The following ARHGAP26 variants were observed in gnomAD, a reference collection of about 807,000 sequenced individuals.
ARHGAP26 encodes rho GTPase-activating protein 26.
Under a neutral mutation model 104.8 loss-of-function variants are expected in ARHGAP26, and 38 were observed. That is an observed-to-expected ratio of 0.36 (90% CI 0.28 to 0.48). The LOEUF is 0.48. Among genes scored for constraint, ARHGAP26 ranks in the 20% least tolerant of loss-of-function variants. The probability of loss-of-function intolerance (pLI) is 0.99; values close to 1 mark genes in which losing one functional copy is unlikely to be tolerated. For synonymous variants in ARHGAP26, 341 were observed against 340.0 expected, an observed-to-expected ratio of 1.00 and a Z score of -0.03; for missense variants, 704 against 947.9, an observed-to-expected ratio of 0.74 and a Z score of 3.38.
At chr5:142,933,201 A>G (rs1299497173) in intron 11 of ARHGAP26, among the ~76,000 whole-genome samples, 2 of 152,218 alleles carry the variant, frequency 1.3e-5, no homozygotes, top group African/African-American at 2.4e-5. Flanking sequence ...TTTGATGTCA[A>G]AGGCCTTTGA....
chr5:143,012,548 C>CGTATATATATATATATATATATAT, intron 11 of ARHGAP26, among the ~76,000 whole-genome samples: 1 of 23,348 alleles, frequency 4.3e-5, no homozygotes, highest in Non-Finnish European at 1.1e-4. Flanking sequence ...TATATACATA[C>CGTATATATATATATATATATATAT]ATACATATAT....
chr5:143,040,553 G>T (rs1024069504), intron 13 of ARHGAP26, among the ~76,000 whole-genome samples: 1 of 151,934 alleles, frequency 6.6e-6, no homozygotes, highest in Non-Finnish European at 1.5e-5. Context: ...TATTGAGAAT[G>T]TAACAGAAAA....
chr5:143,112,352 T>G (rs1794881627), intron 17 of ARHGAP26, among the ~76,000 whole-genome samples: 1 of 152,160 alleles, frequency 6.6e-6, no homozygotes. Flanking sequence ...AAGAAAATTT[T>G]AGCTCAGAGG....
chr5:143,069,857 G>A (rs1788003997), intron 17 of ARHGAP26, among the ~76,000 whole-genome samples: 1 of 152,164 alleles, frequency 6.6e-6, no homozygotes. Context: ...ATACAAAACA[G>A]CAAACAGCAT....
intron 10 of ARHGAP26, among the ~76,000 whole-genome samples, chr5:142,931,315 G>C (rs149957787): frequency 4.2e-4 from 64 of 152,254 alleles, no homozygotes; most frequent in African/African-American, 1.5e-3. Flanking sequence ...CGTTTTTATG[G>C]CGCAGTCTCT....
At chr5:142,872,481 A>G (rs987285495) in intron 1 of ARHGAP26, among the ~76,000 whole-genome samples, 8 of 152,210 alleles carry the variant, frequency 5.3e-5, no homozygotes, top group African/African-American at 1.9e-4. Flanking sequence ...CCTAATCTGC[A>G]GGAAGACTGC....
At position 143,159,269 on chromosome 5, in the gene ARHGAP26, G is replaced by A. The variant is rs189384530; in HGVS notation, c.1988+11888G>A. Among the ~76,000 whole-genome samples the A allele has an allele frequency of 2.6e-5, 4 of 152,328 alleles. No homozygotes were observed. The East Asian group carries it at 7.7e-4, about 29-fold the overall frequency. On this transcript the variant is annotated intron_variant, in intron 20 of 22. Coordinates refer to ENST00000645722, the MANE Select transcript of ARHGAP26 (RefSeq NM_001135608.3). Reference sequence around the variant, plus strand: ...CAACAGGAAGCCCGAGGTTGCAAAAGCCCTGTTGAAGAAATCCATGCTGGT... The same window carrying A: ...CAACAGGAAGCCCGAGGTTGCAAAAACCCTGTTGAAGAAATCCATGCTGGT...
At chr5:143,213,423 C>CT (rs776073778) in intron 21 of ARHGAP26, among the ~76,000 whole-genome samples, 1 of 152,046 alleles carries the variant, frequency 6.6e-6, no homozygotes, top group East Asian at 1.9e-4. Flanking sequence ...ATTCCCTCCC[C>CT]TGGGGGTTGG....
Position 142,933,395 on chromosome 5 carries a change from G to A in ARHGAP26, c.1107+1270G>A, listed in dbSNP as rs564036460. ...GATAAGTAAACTGAAGCTTAGGGAG[G>A]TTAAGTAACTTGCCCCAAGTAGCAC... On this transcript the variant is annotated intron_variant, in intron 11 of 22. Transcript: ENST00000645722. Among the ~76,000 whole-genome samples, 4 of 152,288 alleles carry A rather than the reference G, an allele frequency of 2.6e-5. No individual in the cohort carries two copies. The South Asian group carries it at 8.3e-4, about 32-fold the overall frequency.
At chr5:143,167,339 G>A (rs1173818971) in intron 20 of ARHGAP26, among the ~76,000 whole-genome samples, 1 of 148,706 alleles carries the variant, frequency 6.7e-6, no homozygotes, top group East Asian at 1.9e-4. Flanking sequence ...AAAATTAGCT[G>A]GGCCTGATGG....
At chr5:142,859,754 G>A (rs934200737) in intron 1 of ARHGAP26, 2 of 152,312 alleles carry the variant, frequency 1.3e-5, no homozygotes, top group Non-Finnish European at 2.9e-5. Context: ...TGAAAGGAAA[G>A]GAACTATGGG....
At chr5:142,994,514 T>A (rs2152765113) in intron 11 of ARHGAP26, among the ~76,000 whole-genome samples, 1 of 152,122 alleles carries the variant, frequency 6.6e-6, no homozygotes, top group South Asian at 2.1e-4. Context: ...GGGTATGCAG[T>A]TTTTGGGAAG....
intron 20 of ARHGAP26, among the ~76,000 whole-genome samples, chr5:143,191,882 G>A (rs1805971478): frequency 6.6e-6 from 1 of 152,194 alleles, no homozygotes; most frequent in Admixed American, 6.5e-5. Flanking sequence ...CCGACAAGTG[G>A]CCATATGTGG....
intron 1 of ARHGAP26, among the ~76,000 whole-genome samples, chr5:142,797,573 T>C (rs1230511226): frequency 6.6e-6 from 1 of 152,158 alleles, no homozygotes; most frequent in East Asian, 1.9e-4. Flanking sequence ...CGTGGTTGCT[T>C]TTGTTGTGTT....
At chr5:143,186,080 C>G (rs2151219267) in intron 20 of ARHGAP26, among the ~76,000 whole-genome samples, 1 of 152,294 alleles carries the variant, frequency 6.6e-6, no homozygotes, top group South Asian at 2.1e-4. Flanking sequence ...CACCTGCCAC[C>G]CTCAAGAAAG....
chr5:143,114,968 T>C (rs972129886), intron 17 of ARHGAP26, among the ~76,000 whole-genome samples: 24 of 152,056 alleles, frequency 1.6e-4, no homozygotes, highest in Admixed American at 3.3e-4. Context: ...GTGAGTTTGG[T>C]GGCTTTGCTT....
intron 11 of ARHGAP26, among the ~76,000 whole-genome samples, chr5:142,959,822 G>C (rs1293665854): frequency 6.6e-6 from 1 of 152,214 alleles, no homozygotes; most frequent in Non-Finnish European, 1.5e-5. Flanking sequence ...ATAACCACAG[G>C]AGGGAAACCT....
At chr5:143,045,496 T>C (rs1234482933) in intron 14 of ARHGAP26, among the ~76,000 whole-genome samples, 2 of 152,224 alleles carry the variant, frequency 1.3e-5, no homozygotes, top group African/African-American at 4.8e-5. Flanking sequence ...TTCTTGGTAC[T>C]GGTAGTGTCT....
chr5:143,142,639 G>T (rs1044258475), intron 19 of ARHGAP26, among the ~76,000 whole-genome samples: 1 of 152,152 alleles, frequency 6.6e-6, no homozygotes. Context: ...GTGTGGCTTG[G>T]CATGTCACTA....
Sources: gnomAD v4.1 joint callset for allele counts (sites outside exome capture counted in the v4.1 genomes callset) on GRCh38, gnomAD v4.1.1 for gene constraint, MANE v1.5 for transcripts, NCBI Gene and HGNC (gene_info 2026-07-23, HGNC 2026-07-21) for gene names.